The following HS6ST3 variants were observed in gnomAD, a reference collection of about 807,000 sequenced individuals.
HS6ST3 encodes the protein heparan sulfate 6-O-sulfotransferase 3.
Under a neutral mutation model 36.7 loss-of-function variants are expected in HS6ST3, and 12 were observed. The observed-to-expected ratio is 0.33, with a 90% CI of 0.21 to 0.53. The LOEUF (loss-of-function observed/expected upper bound fraction) is 0.53, where lower values mean the gene tolerates loss of function less well. Ranked by LOEUF, HS6ST3 falls within the 20% of genes least tolerant of loss-of-function variation. HS6ST3 has a pLI of 0.95. For synonymous variants in HS6ST3, 240 were observed against 257.5 expected (o/e 0.93, Z 0.65); for missense variants, 584 against 640.9 (o/e 0.91, Z 0.96).
chr13:96,791,672 T>C (rs1473400371), intron 1 of HS6ST3, among the ~76,000 whole-genome samples: 1 of 152,108 alleles, frequency 6.6e-6, no homozygotes, highest in East Asian at 1.9e-4. Context: ...TACCTTTACC[T>C]TGAAAATACA....
chr13:96,332,047 G>C lies in HS6ST3; in HGVS notation c.707+240478G>C, dbSNP rs972623146. Among the ~76,000 whole-genome samples, 20 of 152,292 alleles carry C rather than the reference G, an allele frequency of 1.3e-4. 1 individual carries two copies. Among genetic ancestry groups the C allele is most frequent in the South Asian group, 2.1e-4 (1 of 4,826 alleles). On this transcript the variant is annotated intron_variant, in intron 1 of 1. Transcript: ENST00000376705. ...GCCTCGCCTTGCTTCGGCTCGCGCA[G>C]GGTGCACGCACCCACTGACCTGCGC... is the stretch of plus-strand genomic sequence containing the variant.
rs913506531 is a variant in HS6ST3, at chr13:96,760,485, TA to T, written c.708-71994del. On this transcript the variant is annotated intron_variant, in intron 1 of 1. Transcript: ENST00000376705. ...ACCTTATAACATTTACGTTGTTCTGTAAAAAAAAAAATGCTTTGTATAAAGG... is the reference window on the plus strand; with the variant it reads ...ACCTTATAACATTTACGTTGTTCTGTAAAAAAAAAATGCTTTGTATAAAGG... Among the ~76,000 whole-genome samples, 118 of 134,268 alleles carry T rather than the reference TA, an allele frequency of 8.8e-4. 1 individual carries two copies. The highest frequency in any genetic ancestry group is 9.8e-4 in the Non-Finnish European group (58 of 59,334). 88.1% of individuals were successfully genotyped at this position (134,268 alleles called of 152,430 possible). A position where few individuals can be genotyped will look rare whatever the true frequency, so the allele number is the denominator to read the frequency against.
At chr13:96,580,854 A>T (rs2056339480) in intron 1 of HS6ST3, among the ~76,000 whole-genome samples, 1 of 152,144 alleles carries the variant, frequency 6.6e-6, no homozygotes, top group African/African-American at 2.4e-5. Context: ...AGCCTTTAAC[A>T]TTTAAATAAT....
chr13:96,258,410 CAAAG>C (rs1282692509), intron 1 of HS6ST3, among the ~76,000 whole-genome samples: 3 of 152,070 alleles, frequency 2.0e-5, no homozygotes, highest in African/African-American at 4.8e-5. Context: ...TAGAAAAACA[CAAAG>C]AAACAGAGGA....
intron 1 of HS6ST3, among the ~76,000 whole-genome samples, chr13:96,687,637 C>G (rs536587851): frequency 1.3e-5 from 2 of 151,784 alleles, no homozygotes; most frequent in Admixed American, 1.3e-4. Flanking sequence ...GTCTGAGAGG[C>G]AGTACACACT....
At chr13:96,491,701 T>C (rs1438631204) in intron 1 of HS6ST3, among the ~76,000 whole-genome samples, 1 of 152,122 alleles carries the variant, frequency 6.6e-6, no homozygotes, top group Non-Finnish European at 1.5e-5. Flanking sequence ...ATTAGCAATA[T>C]TTCCTACTGG....
At chr13:96,156,525 A>T (rs1011750193) in intron 1 of HS6ST3, among the ~76,000 whole-genome samples, 1 of 152,222 alleles carries the variant, frequency 6.6e-6, no homozygotes. Flanking sequence ...AGAATGGTAG[A>T]GCTGAGTTCC....
intron 1 of HS6ST3, among the ~76,000 whole-genome samples, chr13:96,273,602 A>T (rs1347911123): frequency 6.6e-6 from 1 of 152,002 alleles, no homozygotes; most frequent in African/African-American, 2.4e-5. Flanking sequence ...TTTGTTGCTG[A>T]TGCATAACCT....
At position 96,589,955 on chromosome 13, in the gene HS6ST3, G is replaced by A. The variant is rs559792357; in HGVS notation, c.708-242535G>A. Among the ~76,000 whole-genome samples, 190 of 152,168 alleles carry A rather than the reference G, an allele frequency of 1.2e-3. 2 individuals are homozygous for A. Among genetic ancestry groups the A allele is most frequent in the Non-Finnish European group, 2.4e-3 (166 of 67,972 alleles). ...TGTGAAGTTTGTCTTTCTGTGCCTA[G>A]CTTATTTTCACTTAACATAATAATC... On this transcript the variant is annotated intron_variant, in intron 1 of 1. Coordinates refer to ENST00000376705, the MANE Select transcript of HS6ST3 (RefSeq NM_153456.4).
intron 1 of HS6ST3, among the ~76,000 whole-genome samples, chr13:96,823,258 C>A (rs913771994): frequency 6.6e-6 from 1 of 152,176 alleles, no homozygotes; most frequent in African/African-American, 2.4e-5. Flanking sequence ...AATTCTACTC[C>A]TAGGAATTTA....
At chr13:96,311,851 G>T (rs974730263) in intron 1 of HS6ST3, among the ~76,000 whole-genome samples, 1 of 152,176 alleles carries the variant, frequency 6.6e-6, no homozygotes, top group Non-Finnish European at 1.5e-5. Context: ...TTGTGGAGAA[G>T]AATGAGCTTC....
intron 1 of HS6ST3, among the ~76,000 whole-genome samples, chr13:96,278,084 T>A (rs1484492457): frequency 1.3e-5 from 2 of 152,186 alleles, no homozygotes; most frequent in African/African-American, 4.8e-5. Context: ...AGGAGAGCCA[T>A]CTTGGAAACT....
intron 1 of HS6ST3, among the ~76,000 whole-genome samples, chr13:96,743,734 C>T (rs1200808470): frequency 6.6e-6 from 1 of 151,900 alleles, no homozygotes; most frequent in Non-Finnish European, 1.5e-5. Flanking sequence ...TTCAAGAGGG[C>T]TCTCTTGTAA....
At chr13:96,295,840 G>T (rs758252686) in intron 1 of HS6ST3, among the ~76,000 whole-genome samples, 3 of 152,088 alleles carry the variant, frequency 2.0e-5, no homozygotes, top group Non-Finnish European at 2.9e-5. Context: ...TGTCAGGGAA[G>T]AATGACTGTG....
At chr13:96,594,290 G>GA (rs1402211849) in intron 1 of HS6ST3, among the ~76,000 whole-genome samples, 17 of 151,718 alleles carry the variant, frequency 1.1e-4, no homozygotes, top group African/African-American at 4.1e-4. Flanking sequence ...TTTTTTTAGA[G>GA]AATATAATAT....
intron 1 of HS6ST3, among the ~76,000 whole-genome samples, chr13:96,307,519 T>G (rs2054919689): frequency 6.6e-6 from 1 of 152,258 alleles, no homozygotes; most frequent in East Asian, 1.9e-4. Flanking sequence ...ATATAATACA[T>G]TAGATAGGCT....
chr13:96,119,943 TC>T (rs1323243889), intron 1 of HS6ST3, among the ~76,000 whole-genome samples: 2 of 152,228 alleles, frequency 1.3e-5, no homozygotes, highest in East Asian at 1.9e-4. Flanking sequence ...TGTCCCCTCT[TC>T]CAGAAAATCA....
intron 1 of HS6ST3, among the ~76,000 whole-genome samples, chr13:96,170,847 C>T (rs906642813): frequency 3.9e-5 from 6 of 152,158 alleles, no homozygotes; most frequent in East Asian, 1.9e-4. Flanking sequence ...AGCACAGAAA[C>T]GTGGTGGAGG....
intron 1 of HS6ST3, among the ~76,000 whole-genome samples, chr13:96,753,775 G>A (rs1451014427): frequency 6.6e-6 from 1 of 152,006 alleles, no homozygotes; most frequent in Non-Finnish European, 1.5e-5. Flanking sequence ...TCTTGCCTCT[G>A]ACTTTAAAGT....
Sources: allele counts gnomAD v4.1 joint callset (sites outside exome capture counted in the v4.1 genomes callset), GRCh38; gene constraint gnomAD v4.1.1; transcripts MANE v1.5; gene names NCBI Gene and HGNC (gene_info 2026-07-23, HGNC 2026-07-21).